Variants in SIK3 observed in about 807,000 individuals in gnomAD.
SIK3 encodes SIK family kinase 3.
A neutral mutation model predicts 144.2 loss-of-function variants in SIK3; 28 were observed. The ratio of observed to expected loss-of-function variants is 0.19; its 90% CI spans 0.14 to 0.27. SIK3 has a LOEUF of 0.27. SIK3 is among the 10% of genes least tolerant of loss of function. The pLI is 1.00. For synonymous variants in SIK3, 686 were observed against 676.3 expected (o/e 1.01, Z -0.22); for missense variants, 1,319 against 1,776.0 (o/e 0.74, Z 4.62).
intron 1 of SIK3, among the ~76,000 whole-genome samples, chr11:116,987,319 A>AT (rs1764900750): frequency 1.2e-5 from 1 of 84,974 alleles, no homozygotes; most frequent in African/African-American, 4.2e-5. Context: ...TTCATAAAAG[A>AT]TTAAAAAAAA....
chr11:116,956,526 A>G (rs1949145036), intron 2 of SIK3, among the ~76,000 whole-genome samples: 1 of 152,176 alleles, frequency 6.6e-6, no homozygotes, highest in Non-Finnish European at 1.5e-5. Flanking sequence ...ACATGATCAC[A>G]GAAACTAGTA....
At chr11:116,847,070 G>A (rs1457161707) in intron 23 of SIK3, among the ~76,000 whole-genome samples, 1 of 152,174 alleles carries the variant, frequency 6.6e-6, no homozygotes, top group African/African-American at 2.4e-5. Flanking sequence ...TGCAGAGCCT[G>A]AAAAGGACAG....
chr11:117,016,330 A>AAAGG (rs1951522227), intron 1 of SIK3, among the ~76,000 whole-genome samples: 1 of 132,096 alleles, frequency 7.6e-6, no homozygotes, highest in South Asian at 2.8e-4. Context: ...TGCGAAAAAA[A>AAAGG]AAGGAAGGAA....
At chr11:116,989,387 A>C (rs1483592892) in intron 1 of SIK3, among the ~76,000 whole-genome samples, 1 of 152,184 alleles carries the variant, frequency 6.6e-6, no homozygotes, top group East Asian at 1.9e-4. Context: ...GGTCTGCACA[A>C]CCTTGCAATT....
At chr11:116,899,099 T>G (rs1212899694) in intron 4 of SIK3, among the ~76,000 whole-genome samples, 3 of 152,138 alleles carry the variant, frequency 2.0e-5, no homozygotes, top group African/African-American at 7.2e-5. Context: ...GTTTTTATGG[T>G]TTTAGGTCTA....
intron 1 of SIK3, among the ~76,000 whole-genome samples, chr11:117,094,883 T>C (rs1955403538): frequency 6.6e-6 from 1 of 151,916 alleles, no homozygotes; most frequent in African/African-American, 2.4e-5. Context: ...CTAACCAAAG[T>C]ATGTCACAGC....
chr11:116,897,192 C>T lies in SIK3; in HGVS notation c.741+1G>A. 1 of 1,613,582 alleles carries T rather than the reference C, an allele frequency of 6.2e-7. No individual in the cohort carries two copies. The highest frequency in any genetic ancestry group is 8.5e-7 in the Non-Finnish European group (1 of 1,179,766). Reference sequence around the variant, plus strand: ...GGGTATAAGAGAAGGCAGTTACTTACCCAGATGTCCACTTTGGGCCCATCA... The same window carrying T: ...GGGTATAAGAGAAGGCAGTTACTTATCCAGATGTCCACTTTGGGCCCATCA... On this transcript the variant is annotated splice_donor_variant, in intron 5 of 24. Transcript: ENST00000445177. LOFTEE classifies it high-confidence loss of function.
At chr11:116,941,197 G>A (rs1404441192) in intron 3 of SIK3, among the ~76,000 whole-genome samples, 2 of 151,950 alleles carry the variant, frequency 1.3e-5, no homozygotes, top group African/African-American at 4.8e-5. Flanking sequence ...CGGTAGAGAC[G>A]GGCTTTCACC....
In SIK3 at chr11:116,888,138, C is replaced by T. The variant is rs183997789; in HGVS notation, c.865+8115G>A. Among the ~76,000 whole-genome samples the T allele has an allele frequency of 8.5e-5, 13 of 152,340 alleles. No homozygotes were observed. The East Asian group carries it at 2.3e-3, about 27-fold the overall frequency. ...GCTAGAAGCAGCTACATGGTAGAGG[C>T]TTTGCCCTCTGGTCTTCCAAGTGAT... On this transcript the variant is annotated intron_variant, in intron 6 of 24. Transcript: ENST00000445177.
intron 1 of SIK3, among the ~76,000 whole-genome samples, chr11:117,058,513 C>A (rs1953646285): frequency 7.8e-6 from 1 of 128,378 alleles, no homozygotes; most frequent in African/African-American, 3.6e-5. Context: ...GAGCGAGACT[C>A]CATCTCAAAA....
chr11:117,046,740 C>T (rs1234978023), intron 1 of SIK3, among the ~76,000 whole-genome samples: 1 of 152,072 alleles, frequency 6.6e-6, no homozygotes, highest in South Asian at 2.1e-4. Context: ...ATTAGTCACA[C>T]ACGGTGGTAC....
intron 6 of SIK3, among the ~76,000 whole-genome samples, chr11:116,878,381 CTT>C (rs35807799): frequency 6.7e-4 from 96 of 144,116 alleles, no homozygotes; most frequent in Admixed American, 1.3e-3. Context: ...CTCTCTCTCC[CTT>C]TTTTTTTTTT....
intron 1 of SIK3, among the ~76,000 whole-genome samples, chr11:117,007,353 G>C (rs997236141): frequency 1.3e-5 from 2 of 152,224 alleles, no homozygotes; most frequent in African/African-American, 4.8e-5. Flanking sequence ...ACTCCAGCCT[G>C]GGTGAGAGAG....
intron 1 of SIK3, among the ~76,000 whole-genome samples, chr11:117,067,402 T>TA (rs1954069834): frequency 6.6e-6 from 1 of 152,072 alleles, no homozygotes; most frequent in African/African-American, 2.4e-5. Context: ...AAATGAATCT[T>TA]AAAGAATGCT....
At chr11:116,868,211 A>G in intron 14 of SIK3, 122 bp from the exon 15 acceptor site, 2 of 1,251,660 alleles carry the variant, frequency 1.6e-6, no homozygotes, top group Non-Finnish European at 2.2e-6. Context: ...CGAAGGCTTG[A>G]TGGCAAACAG....
chr11:117,089,922 A>G (rs1157099770), intron 1 of SIK3, among the ~76,000 whole-genome samples: 1 of 152,166 alleles, frequency 6.6e-6, no homozygotes, highest in Non-Finnish European at 1.5e-5. Context: ...ATAAAATACC[A>G]TCAGTGTCCA....
At chr11:116,854,858 A>C (rs575225251) in intron 21 of SIK3, among the ~76,000 whole-genome samples, 1 of 152,076 alleles carries the variant, frequency 6.6e-6, no homozygotes, top group South Asian at 2.1e-4. Context: ...TGTGAGGCCG[A>C]GGTGGTTGGA....
At chr11:117,066,336 G>A (rs191917518) in intron 1 of SIK3, among the ~76,000 whole-genome samples, 23 of 151,658 alleles carry the variant, frequency 1.5e-4, no homozygotes, top group African/African-American at 4.4e-4. Context: ...CCAAAGTACT[G>A]GGATTACAGG....
intron 1 of SIK3, among the ~76,000 whole-genome samples, chr11:117,091,598 C>A (rs541485409): frequency 3.3e-5 from 5 of 152,112 alleles, no homozygotes; most frequent in African/African-American, 1.2e-4. Flanking sequence ...TTTTTCATGC[C>A]CAATAAATCA....
Sources: gnomAD v4.1 joint callset for allele counts (sites outside exome capture counted in the v4.1 genomes callset) on GRCh38, gnomAD v4.1.1 for gene constraint, MANE v1.5 for transcripts, NCBI Gene and HGNC (gene_info 2026-07-23, HGNC 2026-07-21) for gene names.